The following MAF variants were observed in gnomAD, a reference collection of about 807,000 sequenced individuals.
MAF encodes MAF bZIP transcription factor.
In MAF, 10 loss-of-function variants were observed where a neutral mutation model predicts 22.0. The ratio of observed to expected loss-of-function variants is 0.45; its 90% CI spans 0.28 to 0.77. MAF has a LOEUF of 0.77. Among genes scored for constraint, MAF ranks in the 30% least tolerant of loss-of-function variants. The pLI is 0.12. For missense variants in MAF, 544 were observed against 548.4 expected (o/e 0.99, Z 0.08); for synonymous variants, 337 against 255.8 (o/e 1.32, Z -3.03).
At chr16:79,551,568 T>C in the MAF span, among the ~76,000 whole-genome samples, 9 of 152,312 alleles carry the variant, frequency 5.9e-5, no homozygotes, top group East Asian at 1.5e-3. Flanking sequence ...CTCATTTCCC[T>C]TCCTGAAGCT....
the MAF span, among the ~76,000 whole-genome samples, chr16:79,387,252 G>A: frequency 1.3e-5 from 2 of 152,152 alleles, no homozygotes; most frequent in Non-Finnish European, 2.9e-5. Context: ...ATTTGCATTT[G>A]GTTGTTTATC....
At chr16:79,502,026 A>G in the MAF span, among the ~76,000 whole-genome samples, 8 of 152,266 alleles carry the variant, frequency 5.3e-5, no homozygotes, top group East Asian at 1.4e-3. Flanking sequence ...AAGGGTATCA[A>G]TTTCTTAATA....
the MAF span, among the ~76,000 whole-genome samples, chr16:79,412,008 C>G: frequency 8.5e-5 from 13 of 152,288 alleles, no homozygotes; most frequent in East Asian, 2.5e-3. Flanking sequence ...TAATGACTCA[C>G]TTTGTGCGAC....
chr16:79,231,449 C>T, the MAF span, among the ~76,000 whole-genome samples: 3 of 152,086 alleles, frequency 2.0e-5, no homozygotes, highest in Non-Finnish European at 2.9e-5. Flanking sequence ...ATAAAACCAT[C>T]TATTGAATGG....
At chr16:79,568,916 G>A in the MAF span, among the ~76,000 whole-genome samples, 1 of 152,174 alleles carries the variant, frequency 6.6e-6, no homozygotes, top group African/African-American at 2.4e-5. Flanking sequence ...CACTGAGTCT[G>A]TTACTGTGCC....
the MAF span, among the ~76,000 whole-genome samples, chr16:79,431,657 A>T: frequency 6.6e-6 from 1 of 152,300 alleles, no homozygotes; most frequent in South Asian, 2.1e-4. Context: ...TCCCTGACGA[A>T]TGCTAACCTG....
At chr16:79,219,829 A>G in the MAF span, among the ~76,000 whole-genome samples, 438 of 152,280 alleles carry the variant, frequency 2.9e-3, 5 homozygotes, top group Admixed American at 0.022. Context: ...AACAAGTGGG[A>G]ATTCCATTGG....
the MAF span, among the ~76,000 whole-genome samples, chr16:79,392,349 G>A: frequency 6.6e-6 from 1 of 150,432 alleles, no homozygotes; most frequent in African/African-American, 2.5e-5. Context: ...GAGAAGGAAG[G>A]AGGGAGGAAG....
At chr16:79,334,957 C>T in the MAF span, among the ~76,000 whole-genome samples, 12 of 151,592 alleles carry the variant, frequency 7.9e-5, no homozygotes, top group African/African-American at 2.2e-4. Context: ...GAGGCTGAGG[C>T]GGGCAGATCA....
the MAF span, among the ~76,000 whole-genome samples, chr16:79,369,130 C>G: frequency 6.6e-6 from 1 of 152,222 alleles, no homozygotes; most frequent in East Asian, 1.9e-4. Context: ...ACTATCAACT[C>G]TTCACAATCA....
At chr16:79,466,841 C>A in the MAF span, among the ~76,000 whole-genome samples, 75 of 152,256 alleles carry the variant, frequency 4.9e-4, no homozygotes, top group African/African-American at 1.7e-3. Context: ...TTCCCCTGCC[C>A]GCGACACCAA....
the MAF span, among the ~76,000 whole-genome samples, chr16:79,219,982 C>G: frequency 1.3e-5 from 2 of 152,130 alleles, no homozygotes; most frequent in Admixed American, 1.3e-4. Flanking sequence ...ACAAAATGTA[C>G]TGCTGTTTTT....
the MAF span, among the ~76,000 whole-genome samples, chr16:79,284,419 T>C: frequency 4.6e-5 from 7 of 152,164 alleles, no homozygotes; most frequent in African/African-American, 1.7e-4. Flanking sequence ...AATACCTGAG[T>C]GGCAACTATA....
chr16:79,380,863 T>C, the MAF span, among the ~76,000 whole-genome samples: 5 of 152,222 alleles, frequency 3.3e-5, no homozygotes, highest in African/African-American at 4.8e-5. Context: ...GGTGACCTCT[T>C]TGGGGGCACA....
the MAF span, among the ~76,000 whole-genome samples, chr16:79,369,316 G>A: frequency 1.3e-5 from 2 of 152,114 alleles, no homozygotes; most frequent in East Asian, 3.9e-4. Context: ...TGTCCGCAAG[G>A]AACTCACATT....
the MAF span, among the ~76,000 whole-genome samples, chr16:79,325,721 T>C: frequency 2.0e-5 from 3 of 151,792 alleles, no homozygotes; most frequent in African/African-American, 7.3e-5. Context: ...ATGTGCAAAG[T>C]TAAAGTGAGA....
chr16:79,338,563 C>T, the MAF span, among the ~76,000 whole-genome samples: 7 of 151,316 alleles, frequency 4.6e-5, no homozygotes, highest in African/African-American at 1.2e-4. Context: ...GTGTTGAAAA[C>T]GTACAAGGTT....
At chr16:79,460,305 T>C in the MAF span, among the ~76,000 whole-genome samples, 2 of 152,310 alleles carry the variant, frequency 1.3e-5, no homozygotes, top group Admixed American at 6.5e-5. Flanking sequence ...AAAGATCTCA[T>C]GTACGTTTGT....
the MAF span, among the ~76,000 whole-genome samples, chr16:79,546,341 A>C: frequency 6.6e-6 from 1 of 152,106 alleles, no homozygotes; most frequent in Non-Finnish European, 1.5e-5. Context: ...CCATCCTGAA[A>C]CTAGTTTTAG....
Sources: gnomAD v4.1 joint callset for allele counts (sites outside exome capture counted in the v4.1 genomes callset) on GRCh38, gnomAD v4.1.1 for gene constraint, MANE v1.5 for transcripts, NCBI Gene and HGNC (gene_info 2026-07-23, HGNC 2026-07-21) for gene names.